Variants in EYS observed in about 807,000 individuals in gnomAD.
EYS encodes EGF-like photoreceptor maintenance factor.
A neutral mutation model predicts 282.1 loss-of-function variants in EYS; 250 were observed. The ratio of observed to expected loss-of-function variants is 0.89; its 90% CI spans 0.80 to 0.98. EYS has a LOEUF of 0.98. EYS is among the 50% of genes least tolerant of loss of function. EYS has a pLI of 0.00. For missense variants in EYS, 4,016 were observed against 3,709.0 expected (o/e 1.08, Z -2.15); for synonymous variants, 1,355 against 1,282.9 (o/e 1.06, Z -1.20).
intron 40 of EYS, among the ~76,000 whole-genome samples, chr6:63,763,870 T>TTATATATATATA (rs55668347): frequency 2.2e-3 from 284 of 129,606 alleles, no homozygotes; most frequent in African/African-American, 6.0e-3. Context: ...TTATATCTTG[T>TTATATATATATA]TATATATATA....
chr6:65,542,183 G>A (rs893157502), intron 2 of EYS, among the ~76,000 whole-genome samples: 1 of 151,970 alleles, frequency 6.6e-6, no homozygotes, highest in African/African-American at 2.4e-5. Context: ...TTCCAACTAT[G>A]GGATTATTTC....
intron 15 of EYS, among the ~76,000 whole-genome samples, chr6:64,924,757 A>T (rs946335535): frequency 6.6e-6 from 1 of 152,156 alleles, no homozygotes; most frequent in African/African-American, 2.4e-5. Flanking sequence ...AAACATAACA[A>T]GAGTCACCTT....
Position 64,077,492 on chromosome 6 carries a change from A to G in EYS, c.6571+4364T>C, listed in dbSNP as rs575998381. On this transcript the variant is annotated intron_variant, in intron 32 of 42. Transcript: ENST00000503581. ...ATGAAGAGGCCCCAATAATTCCACT[A>G]GCATGTCAATTACTCTTATCTAAGA... 5.7e-4 allele frequency among the ~76,000 whole-genome samples: 87 copies of G among 152,130 alleles called. 1 individual carries two copies. In the South Asian group the frequency reaches 1.0e-2, roughly 17 times the overall value.
chr6:65,679,777 A>G lies in EYS; in HGVS notation c.-448+27358T>C, dbSNP rs1768751986. ...AAATCACTACAGTATAGTAAAGGAA[A>G]CTGCATCCTGAAATATTTATGAATT... On this transcript the variant is annotated intron_variant, in intron 1 of 42. Transcript: ENST00000503581. 2.0e-5 allele frequency among the ~76,000 whole-genome samples: 3 copies of G among 151,958 alleles called. No individual in the cohort carries two copies. In the South Asian group the frequency reaches 6.2e-4, roughly 31 times the overall value.
chr6:65,491,265 T>TTA (rs201350300), intron 4 of EYS: 62 of 163,742 alleles, frequency 3.8e-4, no homozygotes, highest in Non-Finnish European at 5.0e-4. Context: ...ACTATATCAG[T>TTA]TATATACACA....
intron 30 of EYS, among the ~76,000 whole-genome samples, chr6:64,253,035 A>G (rs997338565): frequency 5.3e-5 from 8 of 152,100 alleles, no homozygotes; most frequent in African/African-American, 1.9e-4. Context: ...TATCATGTTG[A>G]GAAGTTTGGA....
chr6:64,653,789 T>G (rs1388988349), intron 22 of EYS, among the ~76,000 whole-genome samples: 1 of 149,774 alleles, frequency 6.7e-6, no homozygotes, highest in East Asian at 2.0e-4. Context: ...GATCTCAAAC[T>G]CCTAGGCTTA....
chr6:65,705,679 A>G (rs1425971333), intron 1 of EYS, among the ~76,000 whole-genome samples: 1 of 152,136 alleles, frequency 6.6e-6, no homozygotes, highest in Non-Finnish European at 1.5e-5. Flanking sequence ...CAAACATGGA[A>G]GTTTCTTCAT....
intron 35 of EYS, among the ~76,000 whole-genome samples, chr6:63,866,101 A>T (rs1772665690): frequency 1.3e-5 from 2 of 152,218 alleles, no homozygotes; most frequent in Admixed American, 1.3e-4. Flanking sequence ...GTTATAAAGT[A>T]TCCTGAGCAA....
chr6:65,332,175 C>T, intron 11 of EYS: 13 of 464,440 alleles, frequency 2.8e-5, no homozygotes, highest in South Asian at 2.1e-4. Flanking sequence ...CCCTTTTATT[C>T]TTTATTTGTT....
At chr6:65,141,661 ATCTAT>A (rs1764347982) in intron 12 of EYS, among the ~76,000 whole-genome samples, 1 of 83,594 alleles carries the variant, frequency 1.2e-5, no homozygotes, top group Non-Finnish European at 2.5e-5. Flanking sequence ...CTATCTATCT[ATCTAT>A]CTATCTATCT....
At chr6:65,086,090 G>C (rs1263255932) in intron 12 of EYS, among the ~76,000 whole-genome samples, 1 of 147,266 alleles carries the variant, frequency 6.8e-6, no homozygotes, top group South Asian at 2.1e-4. Context: ...AAATATGATA[G>C]TTTGAAATTA....
chr6:65,406,193 T>C (rs987903837), intron 5 of EYS, among the ~76,000 whole-genome samples: 1 of 152,150 alleles, frequency 6.6e-6, no homozygotes, highest in Admixed American at 6.5e-5. Flanking sequence ...TCTTCTGGTA[T>C]GTGTATTAAT....
chr6:65,141,474 CA>C (rs1293428971), intron 12 of EYS, among the ~76,000 whole-genome samples: 1 of 149,594 alleles, frequency 6.7e-6, no homozygotes, highest in Non-Finnish European at 1.5e-5. Context: ...CACATGTACC[CA>C]AAAACTTAAA....
At chr6:65,678,155 C>A (rs1192304604) in intron 1 of EYS, among the ~76,000 whole-genome samples, 1 of 151,846 alleles carries the variant, frequency 6.6e-6, no homozygotes, top group East Asian at 1.9e-4. Flanking sequence ...ATGTGGGGTA[C>A]CACGCTCTTT....
chr6:65,269,577 T>A (rs1439771579), intron 12 of EYS, among the ~76,000 whole-genome samples: 1 of 152,152 alleles, frequency 6.6e-6, no homozygotes, highest in Non-Finnish European at 1.5e-5. Context: ...ATGGCACTCA[T>A]GGAGACTGTC....
intron 30 of EYS, among the ~76,000 whole-genome samples, chr6:64,251,170 G>A (rs1348906195): frequency 6.6e-6 from 1 of 152,162 alleles, no homozygotes. Context: ...AATAGAGATA[G>A]TCTATTTACC....
In EYS at chr6:64,159,015, C is replaced by A. The variant is rs150228003; in HGVS notation, c.6424+71577G>T. Reference sequence around the variant, plus strand: ...CTTGTGTAGATGGATTTAAAATTATCACTATAGTGAAAATGCAGTAGTATA... The same window carrying A: ...CTTGTGTAGATGGATTTAAAATTATAACTATAGTGAAAATGCAGTAGTATA... On this transcript the variant is annotated intron_variant, in intron 31 of 42. Transcript: ENST00000503581. Among the ~76,000 whole-genome samples, 34 of 151,930 alleles carry A rather than the reference C, an allele frequency of 2.2e-4. 1 individual carries two copies. The highest frequency in any genetic ancestry group is 8.2e-4 in the African/African-American group (34 of 41,412).
At chr6:65,388,243 C>G (rs950387489) in intron 7 of EYS, among the ~76,000 whole-genome samples, 2 of 151,930 alleles carry the variant, frequency 1.3e-5, no homozygotes, top group Admixed American at 1.3e-4. Flanking sequence ...CATGCTATAC[C>G]TCTATCCTAG....
Sources: gnomAD v4.1 joint callset for allele counts (sites outside exome capture counted in the v4.1 genomes callset) on GRCh38, gnomAD v4.1.1 for gene constraint, MANE v1.5 for transcripts, NCBI Gene and HGNC (gene_info 2026-07-23, HGNC 2026-07-21) for gene names.